Variants in KAT6B observed in about 807,000 individuals in gnomAD.
KAT6B encodes the protein lysine acetyltransferase 6B.
Under a neutral mutation model 187.5 loss-of-function variants are expected in KAT6B, and 10 were observed. The observed-to-expected ratio is 0.05, with a 90% confidence interval of 0.03 to 0.09. KAT6B has a LOEUF of 0.09. KAT6B is among the 10% of genes least tolerant of loss of function. The probability of loss-of-function intolerance (pLI) is 1.00; values close to 1 mark genes in which losing one functional copy is unlikely to be tolerated. For missense variants in KAT6B, 1,952 were observed against 2,558.9 expected, an observed-to-expected ratio of 0.76 and a Z score of 5.12; for synonymous variants, 861 against 926.8, an observed-to-expected ratio of 0.93 and a Z score of 1.29.
At chr10:75,025,583 C>T in intron 17 of KAT6B, 1 of 285,652 alleles carries the variant, frequency 3.5e-6, no homozygotes, top group Non-Finnish European at 6.7e-6. Flanking sequence ...TTTTTTTTCA[C>T]ATTTAGTTAT....
intron 4 of KAT6B, among the ~76,000 whole-genome samples, chr10:74,963,970 G>GA (rs201724468): frequency 7.4e-4 from 107 of 145,026 alleles, no homozygotes; most frequent in African/African-American, 1.1e-3. Context: ...CTAAAAAAAG[G>GA]AAAAAAAAAA....
intron 3 of KAT6B, among the ~76,000 whole-genome samples, chr10:74,919,748 T>G (rs1847976734): frequency 6.6e-6 from 1 of 152,192 alleles, no homozygotes; most frequent in Non-Finnish European, 1.5e-5. Context: ...CAATTAAACA[T>G]ATGTTAAAAT....
In KAT6B at chr10:75,032,204, CT is replaced by C. The variant is rs1388770473; in HGVS notation, c.*1163del. The C allele has an allele frequency of 5.2e-6, 1 of 192,838 alleles. No individual in the cohort carries two copies. The highest frequency in any genetic ancestry group is 1.1e-5 in the Non-Finnish European group (1 of 92,352). The allele number at this position is 192,838 out of a possible 1,614,324, so 11.9% of individuals were successfully genotyped here. Reference sequence around the variant, plus strand: ...CGACACTCTTGTATTTATCTGTTCTCTTTTTAGTCAGTCACTTCAAAAAAAC... The same window carrying C: ...CGACACTCTTGTATTTATCTGTTCTCTTTTAGTCAGTCACTTCAAAAAAAC... On this transcript the variant is annotated 3_prime_UTR_variant, in exon 18 of 18. Transcript: ENST00000287239.
intron 2 of KAT6B, among the ~76,000 whole-genome samples, chr10:74,839,049 A>G (rs1223140057): frequency 6.6e-6 from 1 of 151,550 alleles, no homozygotes; most frequent in Non-Finnish European, 1.5e-5. Context: ...GCTACTTGGG[A>G]GGCTGAGGCA....
intron 3 of KAT6B, among the ~76,000 whole-genome samples, chr10:74,927,082 ATAT>A (rs1347772677): frequency 1.3e-5 from 2 of 152,328 alleles, no homozygotes; most frequent in South Asian, 2.1e-4. Flanking sequence ...CAGTCCAGAA[ATAT>A]TATCACAAAA....
chr10:74,843,422 A>G lies in KAT6B; in HGVS notation c.565A>G (p.Ser189Gly). Residue 189 changes from serine to glycine, a missense_variant, in exon 3 of 18, where the codon AGT (serine) becomes GGT (glycine). By Grantham distance (56) the Ser-to-Gly change is moderately conservative. Transcript: ENST00000287239. Reference protein sequence around the residue: ...LDGKGAPQYPSAFPSSLPPVS... With the variant: ...LDGKGAPQYPGAFPSSLPPVS... ...TGGCAAAGGGGCACCTCAGTATCCC[A>G]GTGCATTCCCATCCTCGCTCCCACC... 1 of 1,614,068 alleles carries G rather than the reference A, an allele frequency of 6.2e-7. No individual in the cohort carries two copies. The highest frequency in any genetic ancestry group is 8.5e-7 in the Non-Finnish European group (1 of 1,180,008).
chr10:74,923,598 G>T (rs1242323032), intron 3 of KAT6B, among the ~76,000 whole-genome samples: 1 of 152,094 alleles, frequency 6.6e-6, no homozygotes, highest in African/African-American at 2.4e-5. Flanking sequence ...AGCATTCCAG[G>T]CATGGAGAAG....
At position 75,021,995 on chromosome 10, in the gene KAT6B, T is replaced by G; in HGVS notation, c.3136T>G (p.Leu1046Val). Residue 1046 changes from leucine to valine, a missense_variant, in exon 16 of 18, where the codon TTG (leucine) becomes GTG (valine). Coordinates refer to ENST00000287239, the MANE Select transcript of KAT6B (RefSeq NM_012330.4). ...PAKVQSKNKYLHSPESRPVTG... is the reference protein window; with the variant it reads ...PAKVQSKNKYVHSPESRPVTG... ...AAAAGTACAATCGAAAAATAAATAT[T>G]TGCATTCCCCGGAGAGCCGGCCAGT... 1 of 1,613,944 alleles carries G rather than the reference T, an allele frequency of 6.2e-7. No homozygotes were observed. The highest frequency in any genetic ancestry group is 8.5e-7 in the Non-Finnish European group (1 of 1,179,998).
chr10:74,986,501 T>C (rs1280625702), intron 12 of KAT6B, among the ~76,000 whole-genome samples: 1 of 152,230 alleles, frequency 6.6e-6, no homozygotes, highest in Admixed American at 6.5e-5. Context: ...TATGTGAAGG[T>C]ACTTGCAAAC....
At chr10:74,922,848 T>TTTTTTTAAA (rs1848236310) in intron 3 of KAT6B, among the ~76,000 whole-genome samples, 1 of 152,196 alleles carries the variant, frequency 6.6e-6, no homozygotes, top group African/African-American at 2.4e-5. Flanking sequence ...TCTGTAGTCA[T>TTTTTTTAAA]ATTTTTTTTT....
At chr10:74,931,179 G>A (rs541483304) in intron 3 of KAT6B, among the ~76,000 whole-genome samples, 46 of 152,194 alleles carry the variant, frequency 3.0e-4, no homozygotes, top group African/African-American at 1.0e-3. Context: ...TGGTAGGGGC[G>A]GTCAGTGAAG....
At chr10:74,998,444 A>C (rs761342871) in intron 13 of KAT6B, among the ~76,000 whole-genome samples, 4 of 152,194 alleles carry the variant, frequency 2.6e-5, no homozygotes, top group Non-Finnish European at 4.4e-5. Flanking sequence ...GAAAGTTAAA[A>C]AAAAAGGTGT....
Position 74,972,539 on chromosome 10 carries a change from A to G in KAT6B, c.961A>G (p.Lys321Glu), listed in dbSNP as rs780398759. ...GATTTGCCAAGTCTGCAGACCAAAG[A>G]AAAAGGGAAGAAAACTACTTCATGA... ...MWICQVCRPKKKGRKLLHEKA... is the reference protein window; with the variant it reads ...MWICQVCRPKEKGRKLLHEKA... Residue 321 changes from lysine (K) to glutamate (E), a missense_variant, in exon 7 of 18, where the codon AAA becomes GAA. By Grantham distance (56) the Lys-to-Glu change is moderately conservative (BLOSUM62 1). Transcript: ENST00000287239. The G allele has an allele frequency of 1.9e-6, 3 of 1,609,884 alleles. No individual in the cohort carries two copies. The highest frequency in any genetic ancestry group is 2.7e-5 in the African/African-American group (2 of 74,812).
intron 3 of KAT6B, among the ~76,000 whole-genome samples, chr10:74,934,186 C>CAA (rs386371842): frequency 0.3 from 20,548 of 69,122 alleles, 4,315 homozygotes; most frequent in African/African-American, 0.58. Context: ...ACTCCGTCTC[C>CAA]AAAAAAAAAA....
intron 3 of KAT6B, among the ~76,000 whole-genome samples, chr10:74,896,384 T>C (rs1184727435): frequency 6.6e-6 from 1 of 152,124 alleles, no homozygotes; most frequent in Non-Finnish European, 1.5e-5. Flanking sequence ...CCCCGCCTCC[T>C]GGGTTCAAGC....
At chr10:74,901,104 T>C (rs555663326) in intron 3 of KAT6B, among the ~76,000 whole-genome samples, 2 of 152,330 alleles carry the variant, frequency 1.3e-5, no homozygotes, top group South Asian at 2.1e-4. Context: ...GTGATCACCA[T>C]GACCCTCTAC....
chr10:75,003,522 C>A (rs1342169218), intron 13 of KAT6B, among the ~76,000 whole-genome samples: 1 of 152,132 alleles, frequency 6.6e-6, no homozygotes, highest in Admixed American at 6.6e-5. Flanking sequence ...AAATACTGGA[C>A]CAGCAGCTAT....
chr10:74,842,986 T>A lies in KAT6B; in HGVS notation c.129T>A (p.Asp43Glu), dbSNP rs775296626. Reference protein sequence around the residue: ...CHAVSTSHGLDKKTVSEQLEL... With the variant: ...CHAVSTSHGLEKKTVSEQLEL... ...CGGTCAGTACTTCCCATGGGTTGGA[T>A]AAGAAGACAGTCTCTGAACAGCTGG... Residue 43 changes from aspartate to glutamate, a missense_variant, in exon 3 of 18, where the codon GAT (aspartate) becomes GAA (glutamate). Coordinates refer to ENST00000287239, the MANE Select transcript of KAT6B (RefSeq NM_012330.4). 14 of 1,614,074 alleles carry A rather than the reference T, an allele frequency of 8.7e-6. No homozygotes were observed. The highest frequency in any genetic ancestry group is 1.2e-5 in the Non-Finnish European group (14 of 1,180,042).
chr10:74,853,620 C>CTTT (rs542210569), intron 3 of KAT6B, among the ~76,000 whole-genome samples: 6 of 122,594 alleles, frequency 4.9e-5, no homozygotes, highest in African/African-American at 1.6e-4. Flanking sequence ...TAAGAAATGC[C>CTTT]TTTTTTTTTT....
Sources: allele counts gnomAD v4.1 joint callset (sites outside exome capture counted in the v4.1 genomes callset), GRCh38; gene constraint gnomAD v4.1.1; transcripts MANE v1.5; gene names NCBI Gene and HGNC (gene_info 2026-07-23, HGNC 2026-07-21).